The following ARHGAP35 variants were observed in gnomAD, a reference collection of about 807,000 sequenced individuals.
ARHGAP35 encodes Rho GTPase activating protein 35.
ARHGAP35 carries 15 observed loss-of-function variants against 111.1 expected under a neutral mutation model. That is an observed-to-expected ratio of 0.13 (90% CI 0.09 to 0.21). The LOEUF (loss-of-function observed/expected upper bound fraction) is 0.21. ARHGAP35 is among the 10% of genes least tolerant of loss of function. The pLI is 1.00. For missense variants in ARHGAP35, 1,262 were observed against 1,873.0 expected, an observed-to-expected ratio of 0.67 and a Z score of 6.02; for synonymous variants, 643 against 710.3, an observed-to-expected ratio of 0.91 and a Z score of 1.51.
intron 1 of ARHGAP35, among the ~76,000 whole-genome samples, chr19:46,876,971 C>T (rs1351670107): frequency 4.0e-5 from 6 of 150,576 alleles, no homozygotes; most frequent in African/African-American, 9.7e-5. Flanking sequence ...AAGTTTTGGC[C>T]GGGCGCAGTG....
rs977049978 is a variant in ARHGAP35 at position 46,999,576 on chromosome 19, G to T, written c.4142+167G>T. 16 of 601,862 alleles carry T rather than the reference G, an allele frequency of 2.7e-5. No individual in the cohort carries two copies. The highest frequency in any genetic ancestry group is 4.7e-5 in the Non-Finnish European group (16 of 340,424). The allele number at this position is 601,862 out of a possible 1,614,324, so 37.3% of individuals were successfully genotyped here. ...GTGCCCGCTGGTCTCGGTGCCCAGA[G>T]CCTCTGCCTCTCGCCCATCCTCAGG... On this transcript the variant is annotated intron_variant, in intron 6 of 6. Coordinates refer to ENST00000672722, the MANE Select transcript of ARHGAP35 (RefSeq NM_004491.5). This position sits in a 1 kb window ranked among gnomAD's most constrained non-coding sequence, Gnocchi z 5.4.
At position 46,993,790 on chromosome 19, in the gene ARHGAP35, C is replaced by T. The variant is rs917067973; in HGVS notation, c.4036+4115C>T. Among the ~76,000 whole-genome samples, 1 of 152,174 alleles carries T rather than the reference C, an allele frequency of 6.6e-6. No individual in the cohort carries two copies. The highest frequency in any genetic ancestry group is 6.5e-5 in the Admixed American group (1 of 15,286). On this transcript the variant is annotated intron_variant, in intron 5 of 6. Transcript: ENST00000672722. The surrounding 1 kb of genome is among the most constrained non-coding windows in gnomAD (Gnocchi z 4.6). ...CACGCCCCCTGAGCAAGAGCAGAGC[C>T]ACCTGGAGCCAAGCCAAGCAAAGGG...
intron 1 of ARHGAP35, among the ~76,000 whole-genome samples, chr19:46,902,740 C>A (rs2056088364): frequency 6.6e-6 from 1 of 152,120 alleles, no homozygotes; most frequent in Non-Finnish European, 1.5e-5. Flanking sequence ...ATCGCCACGG[C>A]CCCCTCTAAT....
Position 46,905,795 on chromosome 19 carries a change from G to A in ARHGAP35, c.-188-12693G>A, listed in dbSNP as rs991649678. ...TTGAACCCCTAACCTCACATGATCC[G>A]CCCACCTCAGCCTCCCAAAGTGCTG... On this transcript the variant is annotated intron_variant, in intron 1 of 6. Transcript: ENST00000672722. 1.3e-4 allele frequency among the ~76,000 whole-genome samples: 19 copies of A among 151,518 alleles called. No individual in the cohort carries two copies. The East Asian group carries it at 1.4e-3, about 11-fold the overall frequency.
At chr19:46,904,326 G>A (rs1338661013) in intron 1 of ARHGAP35, among the ~76,000 whole-genome samples, 1 of 152,198 alleles carries the variant, frequency 6.6e-6, no homozygotes, top group African/African-American at 2.4e-5. Flanking sequence ...TCATCTGGAA[G>A]TTTTCTTAGT....
intron 1 of ARHGAP35, among the ~76,000 whole-genome samples, chr19:46,870,525 G>A (rs1201510063): frequency 5.9e-5 from 9 of 152,000 alleles, no homozygotes; most frequent in Non-Finnish European, 1.2e-4. Context: ...CTTGCAGTGA[G>A]CCGAGGTCGT....
intron 2 of ARHGAP35, among the ~76,000 whole-genome samples, chr19:46,934,991 A>G (rs927194472): frequency 6.6e-6 from 1 of 152,178 alleles, no homozygotes; most frequent in Non-Finnish European, 1.5e-5. Flanking sequence ...TTTATGTTAT[A>G]CTTCATATAA....
chr19:46,877,737 G>A (rs1029721805), intron 1 of ARHGAP35, among the ~76,000 whole-genome samples: 6 of 151,206 alleles, frequency 4.0e-5, no homozygotes, highest in South Asian at 2.1e-4. Flanking sequence ...GGACAGTTTC[G>A]CTCTTGTTGG....
At chr19:46,902,481 G>A (rs1306904588) in intron 1 of ARHGAP35, among the ~76,000 whole-genome samples, 1 of 152,128 alleles carries the variant, frequency 6.6e-6, no homozygotes, top group East Asian at 1.9e-4. Context: ...CGGAGAAAGG[G>A]GTGTGAGAAG....
intron 1 of ARHGAP35, among the ~76,000 whole-genome samples, chr19:46,888,333 TACACACACACAC>T (rs72465629): frequency 3.1e-3 from 212 of 67,420 alleles, no homozygotes; most frequent in Non-Finnish European, 5.0e-3. Context: ...ATTGATTTTA[TACACACACACAC>T]ACACACACAC....
Position 46,945,191 on chromosome 19 carries a change from G to A in ARHGAP35, c.3826+7783G>A, listed in dbSNP as rs536453038. The stretch of plus-strand genomic sequence containing the variant: ...GGGGTTGAGGGGGAGCTTAGGAGGC[G>A]GGGTTGAGGGGGAGCTTAAGAGTCA... On this transcript the variant is annotated intron_variant, in intron 3 of 6. Transcript: ENST00000672722. This position sits in a 1 kb window ranked among gnomAD's most constrained non-coding sequence, Gnocchi z 4.1. 2.0e-4 allele frequency among the ~76,000 whole-genome samples: 31 copies of A among 152,078 alleles called. No individual in the cohort carries two copies. Among genetic ancestry groups the A allele is most frequent in the Admixed American group, 7.2e-4 (11 of 15,272 alleles).
At chr19:46,938,016 T>A (rs1454480510) in intron 3 of ARHGAP35, among the ~76,000 whole-genome samples, 2 of 152,176 alleles carry the variant, frequency 1.3e-5, no homozygotes, top group Admixed American at 6.5e-5. Flanking sequence ...AATAATTAAG[T>A]TTTACTTGTG....
intron 1 of ARHGAP35, among the ~76,000 whole-genome samples, chr19:46,912,438 T>TC (rs2056142221): frequency 6.6e-6 from 1 of 151,900 alleles, no homozygotes; most frequent in Admixed American, 6.6e-5. Context: ...CACTGCAAGC[T>TC]GGCCTTCCAG....
chr19:46,972,535 T>C (rs1364435564), intron 3 of ARHGAP35, among the ~76,000 whole-genome samples: 1 of 152,184 alleles, frequency 6.6e-6, no homozygotes, highest in Non-Finnish European at 1.5e-5. Context: ...TCGTGAGAGG[T>C]ACGAAAGCAG....
intron 3 of ARHGAP35, among the ~76,000 whole-genome samples, chr19:46,979,510 A>G (rs567354062): frequency 6.6e-6 from 1 of 152,250 alleles, no homozygotes; most frequent in South Asian, 2.1e-4. Context: ...AGTCAGGGAA[A>G]AGAATGGAGC....
intron 3 of ARHGAP35, among the ~76,000 whole-genome samples, chr19:46,973,903 G>T (rs549872256): frequency 6.6e-6 from 1 of 151,958 alleles, no homozygotes; most frequent in African/African-American, 2.4e-5. Context: ...TCAGGAGGCA[G>T]GATAATCTTT....
chr19:46,940,788 G>A lies in ARHGAP35; in HGVS notation c.3826+3380G>A, dbSNP rs188086867. 1.5e-3 allele frequency among the ~76,000 whole-genome samples: 235 copies of A among 152,104 alleles called. 1 individual carries two copies. Among genetic ancestry groups the A allele is most frequent in the Middle Eastern group, 6.8e-3 (2 of 294 alleles). The stretch of plus-strand genomic sequence containing the variant: ...GTTTTAGTTTTTTGGATATTTCATC[G>A]TGATCAAGTTCTGGGTTTGCACTTC... On this transcript the variant is annotated intron_variant, in intron 3 of 6. Transcript: ENST00000672722.
intron 1 of ARHGAP35, among the ~76,000 whole-genome samples, chr19:46,907,418 G>A (rs1281697580): frequency 6.6e-6 from 1 of 151,566 alleles, no homozygotes; most frequent in Admixed American, 6.6e-5. Context: ...CCAGAGTGCT[G>A]GGATTACAGG....
At chr19:46,889,699 C>T (rs1010072976) in intron 1 of ARHGAP35, among the ~76,000 whole-genome samples, 5 of 138,768 alleles carry the variant, frequency 3.6e-5, no homozygotes, top group East Asian at 4.2e-4. Flanking sequence ...TGCAGTGAGC[C>T]GAGATCCCGC....
Sources: allele counts gnomAD v4.1 joint callset (sites outside exome capture counted in the v4.1 genomes callset), GRCh38; gene constraint gnomAD v4.1.1; non-coding constraint Gnocchi (gnomAD v3.1); transcripts MANE v1.5; gene names NCBI Gene and HGNC (gene_info 2026-07-23, HGNC 2026-07-21).